Variants in CNTN6 observed in about 807,000 individuals in gnomAD.
The protein encoded by CNTN6 is contactin-6.
Under a neutral mutation model 122.8 loss-of-function variants are expected in CNTN6, and 137 were observed. The observed-to-expected ratio is 1.12, with a 90% CI of 0.97 to 1.29. The LOEUF (loss-of-function observed/expected upper bound fraction) is 1.29, where lower values mean the gene tolerates loss of function less well. CNTN6 is among the 50% of genes most tolerant of loss of function. The pLI, the probability that CNTN6 is intolerant of heterozygous loss-of-function variation, is 0.00. For missense variants in CNTN6, 1,634 were observed against 1,223.4 expected (o/e 1.34, Z -5.01); for synonymous variants, 570 against 426.0 (o/e 1.34, Z -4.16).
At chr3:1,170,236 CA>C (rs10525769) in intron 2 of CNTN6, among the ~76,000 whole-genome samples, 198 of 107,412 alleles carry the variant, frequency 1.8e-3, no homozygotes, top group African/African-American at 6.0e-3. Flanking sequence ...GGCTCCATCT[CA>C]AAAAAAAAAA....
At chr3:1,268,542 G>A (rs1348735530) in intron 4 of CNTN6, among the ~76,000 whole-genome samples, 4 of 146,452 alleles carry the variant, frequency 2.7e-5, no homozygotes, top group Non-Finnish European at 4.5e-5. Context: ...GGGAGGAGGA[G>A]CTTGCAGTGA....
intron 1 of CNTN6, among the ~76,000 whole-genome samples, chr3:1,137,739 C>G (rs2092515071): frequency 6.6e-6 from 1 of 152,138 alleles, no homozygotes; most frequent in African/African-American, 2.4e-5. Context: ...GCTCAGAAAA[C>G]TAATTTACTT....
intron 3 of CNTN6, among the ~76,000 whole-genome samples, chr3:1,226,036 A>T (rs2094278715): frequency 6.6e-6 from 1 of 152,104 alleles, no homozygotes; most frequent in Non-Finnish European, 1.5e-5. Flanking sequence ...AGTCAATGAC[A>T]TTTGAATTAA....
chr3:1,145,887 C>T (rs1044770187), intron 1 of CNTN6, among the ~76,000 whole-genome samples: 1 of 152,080 alleles, frequency 6.6e-6, no homozygotes, highest in Non-Finnish European at 1.5e-5. Context: ...TGATTAAAGT[C>T]TCCATTGCAT....
intron 4 of CNTN6, among the ~76,000 whole-genome samples, chr3:1,277,948 C>T (rs1692714618): frequency 6.6e-6 from 1 of 152,004 alleles, no homozygotes; most frequent in African/African-American, 2.4e-5. Context: ...CTTTTTGTCT[C>T]ATTGGTTCTG....
At chr3:1,241,652 T>G (rs1443281555) in intron 4 of CNTN6, among the ~76,000 whole-genome samples, 1 of 152,102 alleles carries the variant, frequency 6.6e-6, no homozygotes, top group Non-Finnish European at 1.5e-5. Context: ...GGTTGGCAAG[T>G]TTTTGGGCTC....
intron 4 of CNTN6, among the ~76,000 whole-genome samples, chr3:1,240,432 T>C (rs1469206027): frequency 6.6e-6 from 1 of 152,192 alleles, no homozygotes; most frequent in African/African-American, 2.4e-5. Flanking sequence ...ATGCTTAACA[T>C]TGCCAATTAT....
intron 2 of CNTN6, among the ~76,000 whole-genome samples, chr3:1,163,086 C>T (rs2093171239): frequency 6.6e-6 from 1 of 152,168 alleles, no homozygotes; most frequent in Non-Finnish European, 1.5e-5. Context: ...CCCAATGATT[C>T]TAAGATGAGA....
chr3:1,385,915 G>GTTGGT (rs1201695425), intron 20 of CNTN6, 118 bp downstream of exon 20: 16 of 1,007,964 alleles, frequency 1.6e-5, no homozygotes, highest in Non-Finnish European at 2.1e-5. Context: ...ACTTTGGTTA[G>GTTGGT]TTGGTTTGTC....
chr3:1,133,112 G>A lies in CNTN6; in HGVS notation c.-82-14815G>A, dbSNP rs183925333. On this transcript the variant is annotated intron_variant, in intron 1 of 22. Transcript: ENST00000446702. Reference sequence around the variant, plus strand: ...AATATGCCGAAAAAGGAGACGTGCCGCAAATATTTTGTTTATTCATTAAAG... The same window carrying A: ...AATATGCCGAAAAAGGAGACGTGCCACAAATATTTTGTTTATTCATTAAAG... Among the ~76,000 whole-genome samples, 12 of 152,168 alleles carry A rather than the reference G, an allele frequency of 7.9e-5. No individual in the cohort carries two copies. The East Asian group carries it at 9.7e-4, about 12-fold the overall frequency.
At chr3:1,253,008 G>A (rs2094695266) in intron 4 of CNTN6, among the ~76,000 whole-genome samples, 2 of 152,182 alleles carry the variant, frequency 1.3e-5, no homozygotes, top group South Asian at 4.1e-4. Flanking sequence ...TTCTTCCTCT[G>A]AACTGCTAAG....
intron 5 of CNTN6, 47 bp downstream of exon 5, chr3:1,278,555 G>A: frequency 7.7e-7 from 1 of 1,292,008 alleles, no homozygotes; most frequent in African/African-American, 1.5e-5. Context: ...GTCACTTGGA[G>A]AGTGATGTGA....
At chr3:1,340,120 C>T (rs765647440) in intron 11 of CNTN6, among the ~76,000 whole-genome samples, 26 of 152,100 alleles carry the variant, frequency 1.7e-4, no homozygotes, top group African/African-American at 5.1e-4. Context: ...CATCATACCG[C>T]GATCAGTAAG....
At chr3:1,177,771 G>A (rs970265) in intron 2 of CNTN6, among the ~76,000 whole-genome samples, 9 of 151,444 alleles carry the variant, frequency 5.9e-5, no homozygotes, top group Admixed American at 3.3e-4. Context: ...TTTATTTTTC[G>A]GTATATATGT....
chr3:1,218,918 C>T (rs2094166558), intron 2 of CNTN6, among the ~76,000 whole-genome samples: 1 of 152,118 alleles, frequency 6.6e-6, no homozygotes, highest in Admixed American at 6.5e-5. Flanking sequence ...GCTGGCAGAG[C>T]AGGTGAAATA....
chr3:1,356,500 T>C (rs1167035625), intron 12 of CNTN6, among the ~76,000 whole-genome samples: 1 of 151,780 alleles, frequency 6.6e-6, no homozygotes, highest in East Asian at 1.9e-4. Context: ...GCCCAAGATA[T>C]GTAGATAATT....
chr3:1,254,785 A>C (rs1213210640), intron 4 of CNTN6, among the ~76,000 whole-genome samples: 1 of 152,206 alleles, frequency 6.6e-6, no homozygotes, highest in Non-Finnish European at 1.5e-5. Flanking sequence ...AAGGTTCATC[A>C]AAATTAGTTA....
chr3:1,338,227 A>T lies in CNTN6; in HGVS notation c.1364+8292A>T, dbSNP rs115006070. Among the ~76,000 whole-genome samples the T allele has an allele frequency of 7.3e-3, 1,112 of 152,286 alleles. 20 individuals are homozygous for T. Among genetic ancestry groups the T allele is most frequent in the African/African-American group, 0.026 (1,067 of 41,568 alleles). On this transcript the variant is annotated intron_variant, in intron 11 of 22. Transcript: ENST00000446702. The stretch of plus-strand genomic sequence containing the variant: ...TATAAATTATTAAACTGTGTCTTAC[A>T]ACAGAAAATGGGTAGGCTTCCTTGT...
chr3:1,357,184 C>T lies in CNTN6; in HGVS notation c.1492+4733C>T, dbSNP rs1575840987. ...AGATATTTTTACTGCATAGTTTAAA[C>T]CTATTATTGGTCAAAGTTTTGTTTA... On this transcript the variant is annotated intron_variant, in intron 12 of 22. Coordinates refer to ENST00000446702, the MANE Select transcript of CNTN6 (RefSeq NM_001289080.2). Among the ~76,000 whole-genome samples, 3 of 151,756 alleles carry T rather than the reference C, an allele frequency of 2.0e-5. 1 individual carries two copies. The South Asian group carries it at 6.2e-4, about 31-fold the overall frequency.
Sources: gnomAD v4.1 joint callset for allele counts (sites outside exome capture counted in the v4.1 genomes callset) on GRCh38, gnomAD v4.1.1 for gene constraint, MANE v1.5 for transcripts, NCBI Gene and HGNC (gene_info 2026-07-23, HGNC 2026-07-21) for gene names.